ABCA12: variants seen among roughly 807,000 people sequenced by gnomAD.
The protein encoded by ABCA12 is glucosylceramide transporter ABCA12.
Under a neutral mutation model 293.5 loss-of-function variants are expected in ABCA12, and 156 were observed. The observed-to-expected ratio is 0.53, with a 90% CI of 0.47 to 0.61. The LOEUF is 0.61. Ranked by LOEUF, ABCA12 falls within the 20% of genes least tolerant of loss-of-function variation. ABCA12 has a pLI of 0.00. For synonymous variants in ABCA12, 1,063 were observed against 1,108.0 expected (o/e 0.96, Z 0.81); for missense variants, 2,797 against 3,090.2 (o/e 0.91, Z 2.25).
chr2:215,050,729 C>T (rs754727530), intron 5 of ABCA12: 48 of 884,170 alleles, frequency 5.4e-5, no homozygotes, highest in Non-Finnish European at 6.4e-5. Context: ...CTAGGATGTA[C>T]TATAAGTGTT....
intron 14 of ABCA12, chr2:215,017,804 AG>A (rs1700539386): frequency 3.1e-6 from 2 of 635,728 alleles, no homozygotes; most frequent in South Asian, 2.0e-5. Flanking sequence ...AAAAATAAAG[AG>A]AAAAGGGACA....
At chr2:215,134,620 G>GAGAGAGAGAGAGAGAGAGACAAAC (rs1703167664) in intron 1 of ABCA12, among the ~76,000 whole-genome samples, 9 of 93,406 alleles carry the variant, frequency 9.6e-5, no homozygotes, top group African/African-American at 4.0e-4. Context: ...TATATATAGA[G>GAGAGAGAGAGAGAGAGAGACAAAC]AGAGAGAGAG....
intron 7 of ABCA12, among the ~76,000 whole-genome samples, chr2:215,040,438 T>G (rs146112455): frequency 1.3e-5 from 2 of 150,768 alleles, no homozygotes; most frequent in African/African-American, 5.0e-5. Context: ...TCAGGATGCA[T>G]ATTATTAAAT....
chr2:215,050,432 A>T (rs1042013330), intron 5 of ABCA12, among the ~76,000 whole-genome samples: 5 of 152,152 alleles, frequency 3.3e-5, no homozygotes, highest in Non-Finnish European at 7.4e-5. Flanking sequence ...TCGTAATGGA[A>T]TCATCATAAT....
chr2:215,065,295 T>C (rs1446221506), intron 2 of ABCA12, among the ~76,000 whole-genome samples: 2 of 44,316 alleles, frequency 4.5e-5, no homozygotes, highest in Non-Finnish European at 7.7e-5. Context: ...CGCATGAATG[T>C]GTAAAAAAAA....
chr2:215,111,740 AT>A, intron 1 of ABCA12, 50 bp from the exon 2 acceptor site: 2 of 1,408,820 alleles, frequency 1.4e-6, no homozygotes, highest in Non-Finnish European at 1.0e-6. Context: ...TGAACCAAAG[AT>A]TTTTAAAACC....
At chr2:215,010,629 A>G (rs918309750) in intron 17 of ABCA12, among the ~76,000 whole-genome samples, 159 bp from the exon 18 acceptor site, 46 of 152,204 alleles carry the variant, frequency 3.0e-4, no homozygotes, top group African/African-American at 9.2e-4. Context: ...TCAAAGTAAG[A>G]AAGCACAGTA....
Position 214,987,641 on chromosome 2 carries a change from T to A in ABCA12, c.3976+6A>T. 1.2e-6 allele frequency: 2 copies of A among 1,610,734 alleles called. No homozygotes were observed. Among genetic ancestry groups the A allele is most frequent in the Admixed American group, 3.3e-5 (2 of 59,956 alleles). On this transcript the variant is annotated splice_donor_region_variant and intron_variant, in intron 27 of 52. Coordinates refer to ENST00000272895, the MANE Select transcript of ABCA12 (RefSeq NM_173076.3). ...ACAAAGCACGCTGTTGACCGACTTG[T>A]CTTACTGGCAGATGGGTTGGTGTTC...
In ABCA12 at chr2:214,953,747, A is replaced by G. The variant is rs1574937355; in HGVS notation, c.6647+107T>C. 2.1e-6 allele frequency: 3 copies of G among 1,409,178 alleles called. No individual in the cohort carries two copies. In the Admixed American group the frequency reaches 7.5e-5, roughly 35 times the overall value. 87.3% of individuals were successfully genotyped at this position (1,409,178 alleles called of 1,614,324 possible). A position where few individuals can be genotyped will look rare whatever the true frequency, so the allele number is the denominator to read the frequency against. Reference sequence around the variant, plus strand: ...AATTTTTTAAAAGTTTTTGAGCCAAACATTTCCATATTACCAATGGAAAAG... The same window carrying G: ...AATTTTTTAAAAGTTTTTGAGCCAAGCATTTCCATATTACCAATGGAAAAG... On this transcript the variant is annotated intron_variant, in intron 44 of 52. Coordinates refer to ENST00000272895, the MANE Select transcript of ABCA12 (RefSeq NM_173076.3).
intron 48 of ABCA12, 50 bp from the exon 49 acceptor site, chr2:214,945,154 G>A (rs1230266082): frequency 1.4e-6 from 2 of 1,464,598 alleles, no homozygotes; most frequent in South Asian, 2.4e-5. Context: ...AATTTTTGAT[G>A]AAGTTCTTTT....
At chr2:215,109,131 C>A (rs952782384) in intron 2 of ABCA12, among the ~76,000 whole-genome samples, 7 of 151,178 alleles carry the variant, frequency 4.6e-5, no homozygotes, top group African/African-American at 1.7e-4. Flanking sequence ...CTCCAAATTA[C>A]TCTATAGCAC....
At chr2:215,119,206 G>A (rs1280603059) in intron 1 of ABCA12, among the ~76,000 whole-genome samples, 2 of 152,082 alleles carry the variant, frequency 1.3e-5, no homozygotes, top group Non-Finnish European at 2.9e-5. Flanking sequence ...CTTGACCTCA[G>A]GTGATCTGCC....
intron 2 of ABCA12, among the ~76,000 whole-genome samples, chr2:215,070,621 G>A (rs1701718740): frequency 7.0e-6 from 1 of 143,064 alleles, no homozygotes; most frequent in African/African-American, 2.6e-5. Context: ...ATCTATGAGT[G>A]AGAACATGCG....
intron 50 of ABCA12, among the ~76,000 whole-genome samples, chr2:214,942,471 T>C (rs907496603): frequency 6.6e-6 from 1 of 152,188 alleles, no homozygotes; most frequent in African/African-American, 2.4e-5. Context: ...GTATTCTTGA[T>C]TAAAAGGTTT....
At chr2:215,030,341 TC>T (rs1221700614) in intron 9 of ABCA12, 3 of 151,902 alleles carry the variant, frequency 2.0e-5, no homozygotes, top group Non-Finnish European at 4.4e-5. Context: ...ACGCCTGTGA[TC>T]CTAGCACTTT....
intron 7 of ABCA12, among the ~76,000 whole-genome samples, chr2:215,043,958 C>T (rs1455731027): frequency 6.6e-6 from 1 of 151,984 alleles, no homozygotes; most frequent in African/African-American, 2.4e-5. Context: ...TTTTTGCCAG[C>T]ATAATATTAA....
intron 19 of ABCA12, 70 bp from the exon 20 acceptor site, chr2:215,004,369 C>G (rs1298177507): frequency 5.9e-6 from 7 of 1,182,504 alleles, no homozygotes; most frequent in Non-Finnish European, 7.4e-6. Context: ...TCTCTAATAA[C>G]CACCACAGTG....
chr2:215,048,525 T>C (rs1701249421), intron 6 of ABCA12, among the ~76,000 whole-genome samples: 2 of 142,970 alleles, frequency 1.4e-5, no homozygotes, highest in African/African-American at 5.7e-5. Flanking sequence ...CAAAACCCTA[T>C]CTCTACTAAT....
At chr2:215,034,488 C>G (rs1037766655) in intron 8 of ABCA12, among the ~76,000 whole-genome samples, 4 of 152,192 alleles carry the variant, frequency 2.6e-5, no homozygotes, top group African/African-American at 7.2e-5. Flanking sequence ...GATGGGGAGC[C>G]AAGCTCCATC....
Sources: allele counts gnomAD v4.1 joint callset (sites outside exome capture counted in the v4.1 genomes callset), GRCh38; gene constraint gnomAD v4.1.1; transcripts MANE v1.5; gene names NCBI Gene and HGNC (gene_info 2026-07-23, HGNC 2026-07-21).